CHEK2: variants seen among roughly 807,000 people sequenced by gnomAD.
CHEK2 encodes the protein serine/threonine-protein kinase Chk2.
CHEK2 carries 71 observed loss-of-function variants against 69.1 expected under a neutral mutation model. The observed-to-expected ratio is 1.03, with a 90% CI of 0.85 to 1.25. The LOEUF (loss-of-function observed/expected upper bound fraction) is 1.25, where lower values mean the gene tolerates loss of function less well. CHEK2 is among the 50% of genes most tolerant of loss of function. The pLI is 0.00. For missense variants in CHEK2, 664 were observed against 649.6 expected, an observed-to-expected ratio of 1.02 and a Z score of -0.24; for synonymous variants, 189 against 226.9, an observed-to-expected ratio of 0.83 and a Z score of 1.50.
intron 2 of CHEK2, among the ~76,000 whole-genome samples, chr22:28,726,903 A>G (rs1250977580): frequency 6.7e-6 from 1 of 150,148 alleles, no homozygotes; most frequent in Non-Finnish European, 1.5e-5. Context: ...ACTGCCCCCA[A>G]GAATGCTGGG....
intron 8 of CHEK2, among the ~76,000 whole-genome samples, chr22:28,702,121 T>TTGTGTGTGTGTGTG (rs1220287391): frequency 1.5e-5 from 1 of 66,270 alleles, no homozygotes; most frequent in East Asian, 5.3e-4. Context: ...CCGGCTAATT[T>TTGTGTGTGTGTGTG]TGTGTGTGTG....
At chr22:28,734,348 T>C in intron 2 of CHEK2, 55 bp downstream of exon 2, 1 of 1,567,938 alleles carries the variant, frequency 6.4e-7, no homozygotes, top group African/African-American at 1.4e-5. Flanking sequence ...GTAATACAAC[T>C]TTCTGTAAGT....
At position 28,699,925 on chromosome 22, in the gene CHEK2, TC is replaced by T. The variant is rs786203053; in HGVS notation, c.920del (p.Gly307GlufsTer13). On this transcript the variant is annotated frameshift_variant, in exon 9 of 15. Transcript: ENST00000404276. LOFTEE classifies it high-confidence loss of function. ...YYIVLELMEG[G>X]ELFDKVVGNK... ...TCCCCACCACTTTGTCAAACAGCTC[TC>T]CCCCTTCCATCCTGAAACACAAAGG... 6.2e-7 allele frequency: 1 copy of T among 1,613,122 alleles called. No homozygotes were observed. Among genetic ancestry groups the T allele is most frequent in the Non-Finnish European group, 8.5e-7 (1 of 1,179,412 alleles).
In CHEK2 at chr22:28,703,470, T is replaced by C. The variant is rs1298686464; in HGVS notation, c.908+35A>G. 8.9e-6 allele frequency: 10 copies of C among 1,124,414 alleles called. No homozygotes were observed. In the South Asian group the frequency reaches 1.2e-4, roughly 13 times the overall value. 69.7% of individuals were successfully genotyped at this position (1,124,414 alleles called of 1,614,324 possible). A position where few individuals can be genotyped will look rare whatever the true frequency, so the allele number is the denominator to read the frequency against. ...TTGGTGGCTTTATAAAGCATTTGAA[T>C]GGAAACAGAAATTTTTAAAAAGTTT... On this transcript the variant is annotated intron_variant, in intron 8 of 14. Coordinates refer to ENST00000404276, the MANE Select transcript of CHEK2 (RefSeq NM_007194.4).
Position 28,719,445 on chromosome 22 carries a change from AACTG to A in CHEK2, c.629_632del (p.Ser210PhefsTer6), listed in dbSNP as rs756131136. ...ATTCATCTCTTAATGCCTTAGGATA[AACTG>A]ACTGATCATCTACAGTCAGATCAAA... On this transcript the variant is annotated frameshift_variant, in exon 5 of 15. Transcript: ENST00000404276. LOFTEE classifies it high-confidence loss of function. The A allele has an allele frequency of 1.3e-6, 2 of 1,598,750 alleles. No homozygotes were observed. The highest frequency in any genetic ancestry group is 1.7e-6 in the Non-Finnish European group (2 of 1,171,468).
chr22:28,699,347 C>T (rs141915434), intron 9 of CHEK2, among the ~76,000 whole-genome samples: 1 of 147,750 alleles, frequency 6.8e-6, no homozygotes, highest in South Asian at 2.1e-4. Context: ...TTAAGCTACA[C>T]AGTGAGAGCT....
intron 7 of CHEK2, chr22:28,708,952 CAA>C (rs374623367): frequency 0.59 from 193,677 of 328,900 alleles, 42,523 homozygotes; most frequent in East Asian, 0.69. Flanking sequence ...GCCTCCGTCT[CAA>C]AAAAAAAAAA....
rs116925750 is a variant in CHEK2 at position 28,736,405 on chromosome 22, A to C, written c.-6-1678T>G. ...TAAAGTGAAACACACCTGTTCGTTCAATCTATATTCCCTGACACCTAAGGA... is the reference window on the plus strand; with the variant it reads ...TAAAGTGAAACACACCTGTTCGTTCCATCTATATTCCCTGACACCTAAGGA... On this transcript the variant is annotated intron_variant, in intron 1 of 14. Coordinates refer to ENST00000404276, the MANE Select transcript of CHEK2 (RefSeq NM_007194.4). Among the ~76,000 whole-genome samples, 132 of 152,324 alleles carry C rather than the reference A, an allele frequency of 8.7e-4. 3 individuals carry two copies. The East Asian group carries it at 0.025, about 28-fold the overall frequency.
chr22:28,727,324 C>T (rs900811173), intron 2 of CHEK2, among the ~76,000 whole-genome samples: 2 of 152,110 alleles, frequency 1.3e-5, no homozygotes, highest in Non-Finnish European at 2.9e-5. Flanking sequence ...AACAGGCATG[C>T]GCCACCACAC....
intron 8 of CHEK2, among the ~76,000 whole-genome samples, chr22:28,701,492 G>T (rs376312971): frequency 6.6e-6 from 1 of 152,144 alleles, no homozygotes; most frequent in Non-Finnish European, 1.5e-5. Flanking sequence ...GATTACAGGT[G>T]TGAGCCACCA....
chr22:28,700,811 CAG>C (rs879664531), intron 8 of CHEK2, among the ~76,000 whole-genome samples: 2 of 151,924 alleles, frequency 1.3e-5, no homozygotes, highest in African/African-American at 4.8e-5. Flanking sequence ...TATTTTGAGA[CAG>C]AGTTTCGCTC....
chr22:28,707,830 CTTTTTTTTTTTTT>C (rs11453597), intron 7 of CHEK2, among the ~76,000 whole-genome samples: 1 of 102,464 alleles, frequency 9.8e-6, no homozygotes, highest in Admixed American at 1.2e-4. Context: ...TTGTGTTTAT[CTTTTTTTTTTTTT>C]TTTTTTTTTG....
At chr22:28,693,460 C>G (rs1182682813) in intron 13 of CHEK2, among the ~76,000 whole-genome samples, 2 of 152,150 alleles carry the variant, frequency 1.3e-5, no homozygotes, top group Admixed American at 1.3e-4. Context: ...CTCCCCCTCC[C>G]CCACTTCCCT....
rs1166395498 is a variant in CHEK2 at position 28,734,687 on chromosome 22, G to C, written c.35C>G (p.Ser12Cys). Residue 12 changes from serine (S) to cysteine (C), a missense_variant, in exon 2 of 15, where the codon TCT (serine) becomes TGT (cysteine). Ser to Cys is a moderately radical substitution (Grantham distance 112). Transcript: ENST00000404276. Reference protein sequence around the residue: ...SRESDVEAQQSHGSSACSQPH... With the variant: ...SRESDVEAQQCHGSSACSQPH... Reference sequence around the variant, plus strand: ...CTGTGAACAGGCACTGCTGCCATGAGACTGCTGAGCCTCAACATCCGACTC... The same window carrying C: ...CTGTGAACAGGCACTGCTGCCATGACACTGCTGAGCCTCAACATCCGACTC... The C allele has an allele frequency of 1.9e-6, 3 of 1,613,822 alleles. No individual in the cohort carries two copies. The highest frequency in any genetic ancestry group is 2.5e-6 in the Non-Finnish European group (3 of 1,180,034).
intron 4 of CHEK2, chr22:28,724,444 T>G (rs1321422536): frequency 5.1e-6 from 1 of 196,024 alleles, no homozygotes; most frequent in East Asian, 1.3e-4. Context: ...AAAAAAACAG[T>G]ATATGGCATT....
chr22:28,696,838 G>A (rs2052602699), intron 10 of CHEK2, 63 bp downstream of exon 10: 1 of 1,058,478 alleles, frequency 9.4e-7, no homozygotes, highest in African/African-American at 1.6e-5. Flanking sequence ...TTTATTTGAG[G>A]AATTAAAAGT....
intron 2 of CHEK2, among the ~76,000 whole-genome samples, chr22:28,732,728 T>C (rs1274549340): frequency 6.6e-6 from 1 of 152,178 alleles, no homozygotes; most frequent in Non-Finnish European, 1.5e-5. Flanking sequence ...CATCAGTCCT[T>C]CATTTCTTTA....
chr22:28,719,533 A>C, intron 4 of CHEK2, 48 bp from the exon 5 acceptor site: 1 of 1,065,664 alleles, frequency 9.4e-7, no homozygotes, highest in South Asian at 1.4e-5. Flanking sequence ...TATTCACAAG[A>C]GGCGATCACT....
intron 2 of CHEK2, among the ~76,000 whole-genome samples, chr22:28,731,617 T>C (rs954941577): frequency 6.6e-6 from 1 of 152,034 alleles, no homozygotes; most frequent in African/African-American, 2.4e-5. Context: ...ATAATAATAA[T>C]GATAAACAGT....
Sources: allele counts gnomAD v4.1 joint callset (sites outside exome capture counted in the v4.1 genomes callset), GRCh38; gene constraint gnomAD v4.1.1; transcripts MANE v1.5; gene names NCBI Gene and HGNC (gene_info 2026-07-23, HGNC 2026-07-21).